Variants in TRAK1 observed in about 807,000 individuals in gnomAD.
TRAK1 encodes trafficking kinesin-binding protein 1.
A neutral mutation model predicts 92.1 loss-of-function variants in TRAK1; 33 were observed. The observed-to-expected ratio is 0.36, with a 90% confidence interval of 0.27 to 0.48. The LOEUF (loss-of-function observed/expected upper bound fraction) is 0.48, where lower values mean the gene tolerates loss of function less well. TRAK1 is among the 20% of genes least tolerant of loss of function. The pLI, the probability that TRAK1 is intolerant of heterozygous loss-of-function variation, is 0.99. For synonymous variants in TRAK1, 521 were observed against 517.3 expected, an observed-to-expected ratio of 1.01 and a Z score of -0.10; for missense variants, 1,123 against 1,257.9, an observed-to-expected ratio of 0.89 and a Z score of 1.62.
chr3:42,161,453 G>A (rs1043718899), intron 2 of TRAK1, among the ~76,000 whole-genome samples: 1 of 151,496 alleles, frequency 6.6e-6, no homozygotes, highest in African/African-American at 2.4e-5. Flanking sequence ...CCTGGCTCAC[G>A]GCAGCCTTGA....
intron 1 of TRAK1, among the ~76,000 whole-genome samples, chr3:42,102,110 C>T (rs1258216968): frequency 6.6e-6 from 1 of 152,176 alleles, no homozygotes; most frequent in Non-Finnish European, 1.5e-5. Flanking sequence ...CTCACCCTCC[C>T]GAGTAGCTGG....
At chr3:42,136,568 A>G (rs2149196983) in intron 2 of TRAK1, among the ~76,000 whole-genome samples, 1 of 152,232 alleles carries the variant, frequency 6.6e-6, no homozygotes, top group East Asian at 1.9e-4. Context: ...GGCTGTAGTG[A>G]GCTGTGATCA....
chr3:42,103,828 G>A lies in TRAK1; in HGVS notation c.91+12268G>A, dbSNP rs151229931. 5.1e-3 allele frequency among the ~76,000 whole-genome samples: 778 copies of A among 152,288 alleles called. 4 individuals carry two copies. The highest frequency in any genetic ancestry group is 0.018 in the African/African-American group (739 of 41,550). On this transcript the variant is annotated intron_variant, in intron 1 of 15. Coordinates refer to ENST00000327628, the MANE Select transcript of TRAK1 (RefSeq NM_001042646.3). ...TGAGGTACTGGGTTCATCTCACTGC[G>A]GCTTGTCAGACAGTGGGTGCAGCCC...
rs142241929 is a variant in TRAK1, at chr3:42,217,455, T to C, written c.1964-2039T>C. 3.2e-5 allele frequency: 32 copies of C among 985,386 alleles called. No homozygotes were observed. In the East Asian group the frequency reaches 2.3e-3, roughly 70 times the overall value. The allele number at this position is 985,386 out of a possible 1,614,324, so 61.0% of individuals were successfully genotyped here. On this transcript the variant is annotated intron_variant, in intron 14 of 15. Transcript: ENST00000327628. ...AGCCTTTTCCTATCCCCAAAACCCA[T>C]TTGTATAAGATGGGTTTGCTTCTGC...
intron 1 of TRAK1, among the ~76,000 whole-genome samples, chr3:42,104,880 C>T (rs1247831554): frequency 6.6e-6 from 1 of 151,926 alleles, no homozygotes; most frequent in Non-Finnish European, 1.5e-5. Flanking sequence ...GGGCTTCAGA[C>T]GATCGGTAAT....
chr3:42,120,116 C>T (rs893655428), intron 1 of TRAK1, among the ~76,000 whole-genome samples: 1 of 152,140 alleles, frequency 6.6e-6, no homozygotes. Flanking sequence ...GGCCGGCCAC[C>T]ATGGGGCATT....
rs764329895 is a variant in TRAK1 at position 42,199,206 on chromosome 3, G to C, written c.1143G>C (p.Thr381=). ...MDSLAAEIEG[T]MRKELQLEEA... ...CCTTGGCAGCAGAGATTGAGGGAAC[G>C]ATGCGCAAGGAGCTGCAGTTGGAAG... Residue 381 remains threonine (T), a synonymous_variant, in exon 11 of 16, where the codon ACG becomes ACC. Coordinates refer to ENST00000327628, the MANE Select transcript of TRAK1 (RefSeq NM_001042646.3). The C allele has an allele frequency of 1.2e-6, 2 of 1,613,766 alleles. No individual in the cohort carries two copies. Among genetic ancestry groups the C allele is most frequent in the South Asian group, 2.2e-5 (2 of 91,052 alleles).
At chr3:42,014,434 C>T (rs76213671) in intron 1 of TRAK1, among the ~76,000 whole-genome samples, 91 of 152,332 alleles carry the variant, frequency 6.0e-4, no homozygotes, top group Middle Eastern at 6.8e-3. Flanking sequence ...TTCCCACTCA[C>T]CCGCAAAACT....
At chr3:42,191,327 C>T (rs1438566740) in intron 6 of TRAK1, among the ~76,000 whole-genome samples, 6 of 152,210 alleles carry the variant, frequency 3.9e-5, no homozygotes, top group African/African-American at 1.4e-4. Flanking sequence ...CTGTGTGTGG[C>T]GCCCTCTAGT....
At chr3:42,086,071 C>T (rs76424907), upstream of TRAK1, among the ~76,000 whole-genome samples, 20 of 152,236 alleles carry the variant, frequency 1.3e-4, no homozygotes, top group East Asian at 3.9e-3. Flanking sequence ...TCATTAAGCT[C>T]CTGTTTGACG....
chr3:42,222,862 C>T, intron 15 of TRAK1, 80 bp from the exon 16 acceptor site: 6 of 1,502,700 alleles, frequency 4.0e-6, no homozygotes, highest in East Asian at 2.3e-5. Flanking sequence ...CCCTACCCCC[C>T]CTGCAGGAAA....
chr3:42,211,053 G>T, intron 14 of TRAK1: 7 of 985,462 alleles, frequency 7.1e-6, no homozygotes, highest in Non-Finnish European at 8.4e-6. Flanking sequence ...AGTCAGGGGG[G>T]AGACTGAGAA....
chr3:42,169,322 T>C (rs1357119828), intron 2 of TRAK1, among the ~76,000 whole-genome samples: 3 of 152,210 alleles, frequency 2.0e-5, no homozygotes, highest in African/African-American at 4.8e-5. Context: ...AATATTCCAT[T>C]GTATGGACAT....
intron 12 of TRAK1, among the ~76,000 whole-genome samples, chr3:42,201,934 T>G (rs1707688361): frequency 7.3e-6 from 1 of 137,750 alleles, no homozygotes; most frequent in Non-Finnish European, 1.6e-5. Flanking sequence ...ACACACACCA[T>G]TGTCTACTTT....
At chr3:42,201,881 C>T (rs543534671) in intron 12 of TRAK1, among the ~76,000 whole-genome samples, 41 of 96,290 alleles carry the variant, frequency 4.3e-4, no homozygotes, top group South Asian at 4.2e-3. Context: ...GACGGACAGA[C>T]GGACACACAC....
intron 1 of TRAK1, among the ~76,000 whole-genome samples, chr3:42,024,021 C>T (rs980217850): frequency 6.6e-6 from 1 of 152,076 alleles, no homozygotes; most frequent in African/African-American, 2.4e-5. Flanking sequence ...CCCCAAAGTG[C>T]TGGGATTACA....
At chr3:42,194,998 C>G in intron 10 of TRAK1, 57 bp downstream of exon 10, 1 of 1,591,354 alleles carries the variant, frequency 6.3e-7, no homozygotes, top group Non-Finnish European at 8.6e-7. Context: ...GACAGGAGCA[C>G]AGTGTCTGAC....
Position 42,052,119 on chromosome 3 carries a change from A to C in TRAK1, c.-518-34985A>C, listed in dbSNP as rs965317787. 7.9e-4 allele frequency among the ~76,000 whole-genome samples: 121 copies of C among 152,220 alleles called. 2 individuals are homozygous for C. Among genetic ancestry groups the C allele is most frequent in the Non-Finnish European group, 1.2e-4 (8 of 68,042 alleles). Reference sequence around the variant, plus strand: ...AGTTAAAGATGATTATAAATTAAAGAAGCACCACCTGGGCGGGTCTCTAAG... The same window carrying C: ...AGTTAAAGATGATTATAAATTAAAGCAGCACCACCTGGGCGGGTCTCTAAG... On this transcript the variant is annotated intron_variant, in intron 1 of 16. Coordinates refer to the TRAK1 transcript ENST00000487159.
intron 3 of TRAK1, among the ~76,000 whole-genome samples, chr3:42,177,758 C>A (rs888209282): frequency 6.6e-6 from 1 of 152,178 alleles, no homozygotes; most frequent in Non-Finnish European, 1.5e-5. Flanking sequence ...TGGCATTCTT[C>A]CACCGTTTTT....
Sources: gnomAD v4.1 joint callset for allele counts (sites outside exome capture counted in the v4.1 genomes callset) on GRCh38, gnomAD v4.1.1 for gene constraint, MANE v1.5 for transcripts, NCBI Gene and HGNC (gene_info 2026-07-23, HGNC 2026-07-21) for gene names.